MMEL1: variants seen among roughly 807,000 people sequenced by gnomAD.
MMEL1 encodes the protein membrane metallo-endopeptidase-like 1.
Under a neutral mutation model 117.1 loss-of-function variants are expected in MMEL1, and 98 were observed. That is an observed-to-expected ratio of 0.84 (90% confidence interval 0.71 to 0.99). MMEL1 has a LOEUF of 0.99. MMEL1 is among the 50% of genes least tolerant of loss of function. The pLI is 0.00. For synonymous variants in MMEL1, 390 were observed against 415.1 expected, an observed-to-expected ratio of 0.94 and a Z score of 0.74; for missense variants, 1,014 against 1,049.1, an observed-to-expected ratio of 0.97 and a Z score of 0.46.
chr1:2,606,234 G>C lies in MMEL1; in HGVS notation c.750+14C>G. On this transcript the variant is annotated intron_variant, in intron 8 of 23. Transcript: ENST00000378412. The stretch of plus-strand genomic sequence containing the variant: ...GGGACCCTGCCTACCCCTGCCCACC[G>C]GCGCGGCTCGTACGTAGATGATGTG... The C allele has an allele frequency of 1.9e-6, 3 of 1,607,436 alleles. No individual in the cohort carries two copies. Among genetic ancestry groups the C allele is most frequent in the Non-Finnish European group, 2.6e-6 (3 of 1,174,954 alleles).
At chr1:2,607,118 T>C (rs1374313088) in intron 6 of MMEL1, 49 bp from the exon 7 acceptor site, 4 of 1,522,670 alleles carry the variant, frequency 2.6e-6, no homozygotes, top group African/African-American at 1.4e-5. Flanking sequence ...GTGGCTCACG[T>C]GCCACGACAC....
At chr1:2,591,662 G>A (rs1251457533) in intron 22 of MMEL1, 29 bp from the exon 23 acceptor site, 5 of 1,593,208 alleles carry the variant, frequency 3.1e-6, no homozygotes, top group Non-Finnish European at 4.3e-6. Context: ...CGTGGCTACA[G>A]GTGGCGTGGT....
chr1:2,626,119 A>C (rs2100966104), intron 2 of MMEL1, among the ~76,000 whole-genome samples: 1 of 152,356 alleles, frequency 6.6e-6, no homozygotes, highest in East Asian at 1.9e-4. Flanking sequence ...TTTGCTTGGA[A>C]GGAGAAGAGG....
rs765084369 is a variant in MMEL1, at chr1:2,595,653, C to T, written c.1501-294G>A. Among the ~76,000 whole-genome samples, 6 of 152,116 alleles carry T rather than the reference C, an allele frequency of 3.9e-5. No homozygotes were observed. Among genetic ancestry groups the T allele is most frequent in the Admixed American group, 2.6e-4 (4 of 15,282 alleles). ...GGCCCTGGAGGGGTCACTCGGCTGCCGTCTGTCACTTGGGTCCAGAGGAGC... is the reference window on the plus strand; with the variant it reads ...GGCCCTGGAGGGGTCACTCGGCTGCTGTCTGTCACTTGGGTCCAGAGGAGC... On this transcript the variant is annotated intron_variant, in intron 15 of 23. Coordinates refer to ENST00000378412, the MANE Select transcript of MMEL1 (RefSeq NM_033467.4). The surrounding 1 kb of genome is among the most constrained non-coding windows in gnomAD (Gnocchi z 4.8).
At chr1:2,623,927 C>A (rs1174682586) in intron 2 of MMEL1, among the ~76,000 whole-genome samples, 1 of 152,196 alleles carries the variant, frequency 6.6e-6, no homozygotes, top group East Asian at 1.9e-4. Context: ...ATCCCCGGCC[C>A]ATGGAAGGGC....
rs747844524 is a variant in MMEL1, at chr1:2,604,248, C to T, written c.850G>A (p.Val284Met). 6.8e-6 allele frequency: 11 copies of T among 1,612,792 alleles called. No homozygotes were observed. The highest frequency in any genetic ancestry group is 1.3e-5 in the African/African-American group (1 of 74,952). The change falls in exon 10 of 24, where the codon GTG (valine) becomes ATG (methionine). Residue 284 changes from valine (V) to methionine (M), a missense_variant. Val to Met is a conservative substitution (Grantham distance 21, BLOSUM62 1). Transcript: ENST00000378412. ...GCATCCTCCCGCAGCAACGTGGCCACTGACACCATGAACTGCAGGTAGGCT... is the reference window on the plus strand; with the variant it reads ...GCATCCTCCCGCAGCAACGTGGCCATTGACACCATGAACTGCAGGTAGGCT... Reference protein sequence around the residue: ...REAYLQFMVSVATLLREDANL... With the variant: ...REAYLQFMVSMATLLREDANL...
intron 2 of MMEL1, among the ~76,000 whole-genome samples, chr1:2,617,284 G>A (rs922352391): frequency 7.9e-5 from 12 of 152,100 alleles, no homozygotes; most frequent in African/African-American, 1.4e-4. Context: ...AAAATTAGCC[G>A]GGCGTGGTGG....
chr1:2,609,565 A>C, intron 5 of MMEL1, 105 bp downstream of exon 5: 1 of 1,534,772 alleles, frequency 6.5e-7, no homozygotes, highest in Non-Finnish European at 8.9e-7. Context: ...CCACTGGACC[A>C]AGGAGGAAGC....
chr1:2,629,198 C>T, intron 2 of MMEL1, 133 bp downstream of exon 2: 1 of 982,030 alleles, frequency 1.0e-6, no homozygotes, highest in South Asian at 1.9e-5. Flanking sequence ...CCCCTGGGTG[C>T]CCAGTGCAGA....
At position 2,603,848 on chromosome 1, in the gene MMEL1, C is replaced by T. The variant is rs183377219; in HGVS notation, c.1041+36G>A. 3.4e-4 allele frequency: 541 copies of T among 1,596,766 alleles called. 1 individual carries two copies. In the African/African-American group the frequency reaches 6.2e-3, roughly 18 times the overall value. ...TCCATGTCCCCCACGAGTCTCCACCCGGCCAGTGCCGGCCTCCTGTGTGGT... is the reference window on the plus strand; with the variant it reads ...TCCATGTCCCCCACGAGTCTCCACCTGGCCAGTGCCGGCCTCCTGTGTGGT... On this transcript the variant is annotated intron_variant, in intron 11 of 23. Coordinates refer to ENST00000378412, the MANE Select transcript of MMEL1 (RefSeq NM_033467.4).
At chr1:2,624,516 G>A (rs1217538297) in intron 2 of MMEL1, among the ~76,000 whole-genome samples, 3 of 152,178 alleles carry the variant, frequency 2.0e-5, no homozygotes, top group African/African-American at 7.2e-5. Context: ...ATACCAAATG[G>A]TGCAATGTAT....
At chr1:2,604,122 T>TGCCCCCCC in intron 10 of MMEL1, 25 bp downstream of exon 10, 457 of 1,357,306 alleles carry the variant, frequency 3.4e-4, no homozygotes, top group Non-Finnish European at 4.4e-4. Flanking sequence ...CGCTGCCCGC[T>TGCCCCCCC]CCCCACCCGC....
intron 2 of MMEL1, among the ~76,000 whole-genome samples, chr1:2,618,606 C>A (rs562094394): frequency 6.6e-6 from 1 of 152,226 alleles, no homozygotes; most frequent in African/African-American, 2.4e-5. Flanking sequence ...CTTGTCATGC[C>A]ATTGCCGAGT....
intron 8 of MMEL1, 152 bp downstream of exon 8, chr1:2,606,096 C>T (rs997767790): frequency 6.1e-5 from 39 of 644,494 alleles, no homozygotes; most frequent in Non-Finnish European, 3.3e-5. Context: ...AGCTCGTTCC[C>T]GGGCCCACGG....
rs938637975 is a variant in MMEL1 at position 2,595,040 on chromosome 1, C to T, written c.1585-147G>A. On this transcript the variant is annotated intron_variant, in intron 16 of 23. Transcript: ENST00000378412. This position sits in a 1 kb window ranked among gnomAD's most constrained non-coding sequence, Gnocchi z 4.8. ...CGGCTGTGGGTGCAGGTGAACGGGG[C>T]AGCCCTGGCTGTGGGCATTTACATG... is the stretch of plus-strand genomic sequence containing the variant. 1.5e-5 allele frequency: 11 copies of T among 730,542 alleles called. No homozygotes were observed. Among genetic ancestry groups the T allele is most frequent in the Admixed American group, 1.3e-4 (5 of 37,134 alleles). The allele number at this position is 730,542 out of a possible 1,614,324, so 45.3% of individuals were successfully genotyped here.
intron 11 of MMEL1, among the ~76,000 whole-genome samples, chr1:2,600,537 A>G (rs55656706): frequency 1.1e-4 from 3 of 26,918 alleles, no homozygotes; most frequent in South Asian, 8.5e-4. Context: ...TGTTTCTGGG[A>G]AAAAAAAAAA....
At position 2,598,772 on chromosome 1, in the gene MMEL1, ACAGAGTC is replaced by A. The variant is rs768245193; in HGVS notation, c.1053_1059del (p.Trp351CysfsTer59). ...ACAGAGGATAGCACAGTTTGTATGA[ACAGAGTC>A]CAGTTAAATCCCTGCAGATAGAGGA... On this transcript the variant is annotated frameshift_variant, in exon 12 of 24. Coordinates refer to ENST00000378412, the MANE Select transcript of MMEL1 (RefSeq NM_033467.4). LOFTEE classifies it high-confidence loss of function. 3.1e-6 allele frequency: 5 copies of A among 1,613,982 alleles called. No homozygotes were observed. In the South Asian group the frequency reaches 4.4e-5, roughly 14 times the overall value.
chr1:2,594,298 G>A (rs1043768986), intron 18 of MMEL1, 87 bp downstream of exon 18: 20 of 1,385,966 alleles, frequency 1.4e-5, no homozygotes, highest in Middle Eastern at 1.8e-4. Flanking sequence ...GTGCCCCCAG[G>A]AGGAAGGGAT....
rs1010897956 is a variant in MMEL1 at position 2,594,272 on chromosome 1, C to T, written c.1747+113G>A. The T allele has an allele frequency of 2.7e-5, 32 of 1,188,274 alleles. No homozygotes were observed. In the African/African-American group the frequency reaches 2.9e-4, roughly 11 times the overall value. 73.6% of individuals were successfully genotyped at this position (1,188,274 alleles called of 1,614,324 possible). A position where few individuals can be genotyped will look rare whatever the true frequency, so the allele number is the denominator to read the frequency against. On this transcript the variant is annotated intron_variant, in intron 18 of 23. Transcript: ENST00000378412. Reference sequence around the variant, plus strand: ...GCAAGGGGTGACATAGGAGAATGTTCCAAGAACAGGCTGGGGTGCCCCCAG... The same window carrying T: ...GCAAGGGGTGACATAGGAGAATGTTTCAAGAACAGGCTGGGGTGCCCCCAG...
Sources: allele counts gnomAD v4.1 joint callset (sites outside exome capture counted in the v4.1 genomes callset), GRCh38; gene constraint gnomAD v4.1.1; non-coding constraint Gnocchi (gnomAD v3.1); transcripts MANE v1.5; gene names NCBI Gene and HGNC (gene_info 2026-07-23, HGNC 2026-07-21).